SMAD3: variants seen among roughly 807,000 people sequenced by gnomAD.
SMAD3 encodes the protein MAD homolog 3.
A neutral mutation model predicts 51.8 loss-of-function variants in SMAD3; 12 were observed. The observed-to-expected ratio is 0.23, with a 90% CI of 0.15 to 0.38. SMAD3 has a LOEUF of 0.38. SMAD3 is among the 10% of genes least tolerant of loss of function. The probability of loss-of-function intolerance (pLI) is 1.00; values close to 1 mark genes in which losing one functional copy is unlikely to be tolerated. For missense variants in SMAD3, 294 were observed against 565.6 expected (o/e 0.52, Z 4.87); for synonymous variants, 238 against 227.7 (o/e 1.05, Z -0.41).
In SMAD3 at chr15:67,066,454, A is replaced by G. The variant is rs919357353; in HGVS notation, c.206+94A>G. 5 of 1,000,154 alleles carry G rather than the reference A, an allele frequency of 5.0e-6. No individual in the cohort carries two copies. The Admixed American group carries it at 8.0e-5, about 16-fold the overall frequency. 62.0% of individuals were successfully genotyped at this position (1,000,154 alleles called of 1,614,324 possible). A position where few individuals can be genotyped will look rare whatever the true frequency, so the allele number is the denominator to read the frequency against. The stretch of plus-strand genomic sequence containing the variant: ...AGTGGGGCTGGAGATGGGAAGAGGG[A>G]GAGAGAGGGAGGGAGTGAGACTGTG... On this transcript the variant is annotated intron_variant, in intron 1 of 8. Coordinates refer to ENST00000327367, the MANE Select transcript of SMAD3 (RefSeq NM_005902.4).
intron 5 of SMAD3, among the ~76,000 whole-genome samples, chr15:67,173,510 G>A (rs1407365745): frequency 4.6e-5 from 7 of 152,172 alleles, no homozygotes; most frequent in African/African-American, 1.7e-4. Context: ...AGCTGGCATG[G>A]TGGTTGGTTG....
chr15:67,084,297 G>A (rs1319752143), intron 1 of SMAD3, among the ~76,000 whole-genome samples: 5 of 151,252 alleles, frequency 3.3e-5, no homozygotes, highest in Admixed American at 1.3e-4. Flanking sequence ...TAGCCAGGAT[G>A]GTCTCCATCT....
intron 3 of SMAD3, chr15:67,166,278 A>G (rs2140296169): frequency 1.7e-6 from 1 of 576,640 alleles, no homozygotes; most frequent in Non-Finnish European, 2.3e-6. Flanking sequence ...AATAGATCAC[A>G]CTGTCTTTGC....
At chr15:67,084,991 C>CTTT (rs1220847326) in intron 1 of SMAD3, among the ~76,000 whole-genome samples, 1 of 152,176 alleles carries the variant, frequency 6.6e-6, no homozygotes. Context: ...GTGCTAATGG[C>CTTT]TTTTTTCATG....
chr15:67,190,573 A>G lies in SMAD3; in HGVS notation c.*37A>G, dbSNP rs1309390875. 5.0e-6 allele frequency: 8 copies of G among 1,608,168 alleles called. No homozygotes were observed. Among genetic ancestry groups the G allele is most frequent in the Non-Finnish European group, 6.8e-6 (8 of 1,175,368 alleles). On this transcript the variant is annotated 3_prime_UTR_variant, in exon 9 of 9. Coordinates refer to ENST00000327367, the MANE Select transcript of SMAD3 (RefSeq NM_005902.4). ...ATGGTAGGGGAGGGCAGGCTTGGGG[A>G]AAATGGCCATGCAGGAGGTGGAGAA...
At chr15:67,118,002 G>T (rs1429083022) in intron 1 of SMAD3, among the ~76,000 whole-genome samples, 1 of 152,240 alleles carries the variant, frequency 6.6e-6, no homozygotes, top group Admixed American at 6.5e-5. Flanking sequence ...TAAGACAGGA[G>T]AATTGCTTGA....
chr15:67,174,873 G>T (rs1595950561), intron 5 of SMAD3, among the ~76,000 whole-genome samples: 1 of 152,224 alleles, frequency 6.6e-6, no homozygotes, highest in Admixed American at 6.5e-5. Flanking sequence ...CAGGGCTCAG[G>T]TCTGGGGAAG....
chr15:67,071,878 C>T (rs1595884738), intron 1 of SMAD3, among the ~76,000 whole-genome samples: 1 of 152,262 alleles, frequency 6.6e-6, no homozygotes, highest in South Asian at 2.1e-4. Context: ...TTCAAAGCTT[C>T]GGTGTGACCT....
intron 1 of SMAD3, among the ~76,000 whole-genome samples, chr15:67,140,703 A>G (rs1961795707): frequency 6.6e-6 from 1 of 152,206 alleles, no homozygotes; most frequent in Non-Finnish European, 1.5e-5. Context: ...TGGTTGCGCT[A>G]CAAAACCCAG....
chr15:67,152,770 A>G (rs1962180732), intron 1 of SMAD3, among the ~76,000 whole-genome samples: 1 of 152,200 alleles, frequency 6.6e-6, no homozygotes, highest in Admixed American at 6.5e-5. Flanking sequence ...GTGACTTGAA[A>G]GTTCTATGAT....
chr15:67,139,386 TA>T (rs1450965922), intron 1 of SMAD3, among the ~76,000 whole-genome samples: 1 of 152,192 alleles, frequency 6.6e-6, no homozygotes, highest in East Asian at 1.9e-4. Context: ...GAATTTTTAT[TA>T]GGGGGAGGGG....
intron 1 of SMAD3, among the ~76,000 whole-genome samples, chr15:67,106,906 G>A (rs1441759520): frequency 6.6e-6 from 1 of 152,076 alleles, no homozygotes; most frequent in African/African-American, 2.4e-5. Flanking sequence ...TTACCCCAGG[G>A]GACCCAGAAC....
At chr15:67,102,568 C>T (rs1353987514) in intron 1 of SMAD3, among the ~76,000 whole-genome samples, 1 of 151,892 alleles carries the variant, frequency 6.6e-6, no homozygotes, top group Non-Finnish European at 1.5e-5. Flanking sequence ...TAATTCAGGG[C>T]CATACTGGGA....
At chr15:67,092,411 C>T (rs1235519639) in intron 1 of SMAD3, among the ~76,000 whole-genome samples, 1 of 152,238 alleles carries the variant, frequency 6.6e-6, no homozygotes, top group African/African-American at 2.4e-5. Flanking sequence ...TATAAATCAG[C>T]AGTTCTCAAA....
At chr15:67,161,271 T>C (rs959660312) in intron 1 of SMAD3, among the ~76,000 whole-genome samples, 1 of 152,248 alleles carries the variant, frequency 6.6e-6, no homozygotes, top group Non-Finnish European at 1.5e-5. Context: ...TTAGGTTCCA[T>C]TGATCCGTTT....
chr15:67,127,894 G>T (rs1961431419), intron 1 of SMAD3, among the ~76,000 whole-genome samples: 1 of 152,194 alleles, frequency 6.6e-6, no homozygotes, highest in East Asian at 1.9e-4. Context: ...AAGCTGGGGG[G>T]AGCTGAGCTT....
At chr15:67,094,986 G>A (rs987226383) in intron 1 of SMAD3, among the ~76,000 whole-genome samples, 2 of 152,218 alleles carry the variant, frequency 1.3e-5, no homozygotes, top group African/African-American at 4.8e-5. Flanking sequence ...CTGAGCCTCA[G>A]TTTCTCCAGC....
At chr15:67,124,957 A>G (rs1009990636) in intron 1 of SMAD3, among the ~76,000 whole-genome samples, 6 of 152,250 alleles carry the variant, frequency 3.9e-5, no homozygotes. Flanking sequence ...GCTAAAGCAT[A>G]CATCAAGCAT....
At chr15:67,160,770 C>CAAAAAAAAAAAAAAAAAAAAAAAA (rs547354315) in intron 1 of SMAD3, among the ~76,000 whole-genome samples, 2 of 61,038 alleles carry the variant, frequency 3.3e-5, no homozygotes, top group Non-Finnish European at 5.4e-5. Flanking sequence ...GACTCCATCT[C>CAAAAAAAAAAAAAAAAAAAAAAAA]AAAAAAAAAA....
Sources: gnomAD v4.1 joint callset for allele counts (sites outside exome capture counted in the v4.1 genomes callset) on GRCh38, gnomAD v4.1.1 for gene constraint, MANE v1.5 for transcripts, NCBI Gene and HGNC (gene_info 2026-07-23, HGNC 2026-07-21) for gene names.